PEAK1: variants seen among roughly 807,000 people sequenced by gnomAD.
PEAK1 encodes the protein pseudopodium enriched atypical kinase 1, also known as inactive tyrosine-protein kinase PEAK1.
PEAK1 carries 54 observed loss-of-function variants against 124.7 expected under a neutral mutation model. The ratio of observed to expected loss-of-function variants is 0.43; its 90% CI spans 0.35 to 0.54. The LOEUF (loss-of-function observed/expected upper bound fraction) is 0.54, where lower values mean the gene tolerates loss of function less well. PEAK1 is among the 20% of genes least tolerant of loss of function. PEAK1 has a pLI of 0.01. For synonymous variants in PEAK1, 719 were observed against 760.0 expected (o/e 0.95, Z 0.89); for missense variants, 2,046 against 2,134.5 (o/e 0.96, Z 0.82).
At chr15:77,292,211 G>A (rs746763251) in intron 2 of PEAK1, among the ~76,000 whole-genome samples, 7 of 152,096 alleles carry the variant, frequency 4.6e-5, no homozygotes, top group Non-Finnish European at 8.8e-5. Context: ...AAATGGGAAA[G>A]AAGGTTAGGT....
At chr15:77,140,863 T>C (rs568994975) in intron 8 of PEAK1, among the ~76,000 whole-genome samples, 1 of 152,070 alleles carries the variant, frequency 6.6e-6, no homozygotes, top group South Asian at 2.1e-4. Flanking sequence ...GTCCCCCAAG[T>C]AGCCAGGACT....
chr15:77,272,119 G>C (rs1170550174), intron 5 of PEAK1, among the ~76,000 whole-genome samples: 3 of 152,112 alleles, frequency 2.0e-5, no homozygotes, highest in Admixed American at 6.6e-5. Context: ...CAAAGGCAGT[G>C]CTAACAGGAA....
intron 7 of PEAK1, among the ~76,000 whole-genome samples, chr15:77,165,962 T>G (rs538994798): frequency 6.6e-6 from 1 of 152,178 alleles, no homozygotes; most frequent in Admixed American, 6.5e-5. Context: ...TAAGGCAAGC[T>G]TGGCATACTG....
intron 8 of PEAK1, among the ~76,000 whole-genome samples, chr15:77,152,116 AT>A (rs965246817): frequency 2.2e-4 from 34 of 152,286 alleles, no homozygotes; most frequent in African/African-American, 7.9e-4. Context: ...CTTCCCACCT[AT>A]GAACATGTAA....
At chr15:77,321,061 G>A (rs2065180350) in intron 2 of PEAK1, among the ~76,000 whole-genome samples, 2 of 152,146 alleles carry the variant, frequency 1.3e-5, no homozygotes, top group African/African-American at 2.4e-5. Context: ...GTCTGTCATT[G>A]TTGGACATCT....
chr15:77,265,235 A>C (rs1209021015), intron 5 of PEAK1, among the ~76,000 whole-genome samples: 1 of 152,224 alleles, frequency 6.6e-6, no homozygotes, highest in Non-Finnish European at 1.5e-5. Context: ...CAATGGCAAC[A>C]AAAGCCAAAA....
At chr15:77,313,680 G>GTATA (rs1567244732) in intron 2 of PEAK1, among the ~76,000 whole-genome samples, 1 of 117,840 alleles carries the variant, frequency 8.5e-6, no homozygotes, top group African/African-American at 4.1e-5. Context: ...GTGTGTGTGT[G>GTATA]TGTGTGTGTG....
Position 77,114,373 on chromosome 15 carries a change from A to G in PEAK1, c.5024T>C (p.Phe1675Ser), listed in dbSNP as rs565875785. 15 of 1,614,144 alleles carry G rather than the reference A, an allele frequency of 9.3e-6. No homozygotes were observed. In the South Asian group the frequency reaches 1.5e-4, roughly 17 times the overall value. ...CLLWGPREDL[F>S]QTFTACPSLV... ...GCTAGGGCAGGCGGTGAAAGTCTGG[A>G]AGAGATCTTCGCGGGGGCCCCAGAG... is the stretch of plus-strand genomic sequence containing the variant. The change falls in exon 10 of 10, where the codon TTC (phenylalanine) becomes TCC (serine). Residue 1675 changes from phenylalanine to serine, a missense_variant. By Grantham distance (155) the Phe-to-Ser change is radical. Coordinates refer to ENST00000682557, the MANE Select transcript of PEAK1 (RefSeq NM_001385026.1).
chr15:77,305,509 A>C (rs934760389), intron 2 of PEAK1, among the ~76,000 whole-genome samples: 12 of 152,192 alleles, frequency 7.9e-5, no homozygotes, highest in Non-Finnish European at 1.5e-5. Flanking sequence ...CTCAGACTGA[A>C]TTACATATGT....
At chr15:77,254,489 G>A (rs527439016) in intron 5 of PEAK1, among the ~76,000 whole-genome samples, 1 of 152,234 alleles carries the variant, frequency 6.6e-6, no homozygotes, top group Non-Finnish European at 1.5e-5. Context: ...CTGGAGTACA[G>A]TGGCATGATC....
chr15:77,249,808 G>C (rs1002018223), intron 6 of PEAK1, among the ~76,000 whole-genome samples: 1 of 152,050 alleles, frequency 6.6e-6, no homozygotes, highest in African/African-American at 2.4e-5. Context: ...ACAGGTGTGA[G>C]CCACTACGCC....
At chr15:77,297,931 G>A (rs1156704511) in intron 2 of PEAK1, among the ~76,000 whole-genome samples, 2 of 146,092 alleles carry the variant, frequency 1.4e-5, no homozygotes, top group South Asian at 2.2e-4. Context: ...GGTGGCGGGC[G>A]CCTGTAGTCC....
chr15:77,115,427 G>C, intron 9 of PEAK1, 108 bp from the exon 10 acceptor site: 3 of 1,034,848 alleles, frequency 2.9e-6, no homozygotes, highest in Non-Finnish European at 4.1e-6. Context: ...CGATCATATA[G>C]TAAAGTTGTT....
intron 6 of PEAK1, among the ~76,000 whole-genome samples, chr15:77,215,960 A>G (rs2059133143): frequency 6.6e-6 from 1 of 152,156 alleles, no homozygotes; most frequent in Non-Finnish European, 1.5e-5. Flanking sequence ...TTTGATTACT[A>G]CAGCTTTACA....
Position 77,289,817 on chromosome 15 carries a change from C to G in PEAK1, c.-602-3313G>C, listed in dbSNP as rs143427313. On this transcript the variant is annotated intron_variant, in intron 2 of 9. Transcript: ENST00000682557. ...GTGCACTCCAGCCTGGGCGACAGAG[C>G]CAGACTCTGTCTCAAAAAGAAAGAA... Among the ~76,000 whole-genome samples the G allele has an allele frequency of 5.0e-3, 764 of 152,108 alleles. 4 individuals are homozygous for G. The highest frequency in any genetic ancestry group is 0.016 in the African/African-American group (661 of 41,500).
At chr15:77,123,190 T>A (rs1022907029) in intron 9 of PEAK1, among the ~76,000 whole-genome samples, 4 of 152,226 alleles carry the variant, frequency 2.6e-5, no homozygotes, top group Non-Finnish European at 5.9e-5. Flanking sequence ...ATTCTGGAAC[T>A]GTTGGAAAAT....
chr15:77,390,316 A>G (rs1245562402), intron 1 of PEAK1, among the ~76,000 whole-genome samples: 3 of 152,206 alleles, frequency 2.0e-5, no homozygotes, highest in African/African-American at 7.2e-5. Flanking sequence ...CAGAGCAGCA[A>G]TTCTGGAATT....
chr15:77,162,249 T>C (rs1158955484), intron 7 of PEAK1, among the ~76,000 whole-genome samples: 1 of 151,966 alleles, frequency 6.6e-6, no homozygotes, highest in African/African-American at 2.4e-5. Flanking sequence ...ATACCAGCAC[T>C]TTGGGAGGCC....
At chr15:77,248,826 AATGTT>A (rs2060713318) in intron 6 of PEAK1, among the ~76,000 whole-genome samples, 2 of 149,664 alleles carry the variant, frequency 1.3e-5, no homozygotes, top group African/African-American at 2.4e-5. Context: ...ATTTTATTTT[AATGTT>A]AAGTTATTTT....
Sources: allele counts gnomAD v4.1 joint callset (sites outside exome capture counted in the v4.1 genomes callset), GRCh38; gene constraint gnomAD v4.1.1; transcripts MANE v1.5; gene names NCBI Gene and HGNC (gene_info 2026-07-23, HGNC 2026-07-21).